Variants in ALK observed in about 807,000 individuals in gnomAD.
The protein encoded by ALK is ALK tyrosine kinase receptor.
In ALK, 74 loss-of-function variants were observed where a neutral mutation model predicts 163.1. That is an observed-to-expected ratio of 0.45 (90% CI 0.38 to 0.55). The LOEUF is 0.55. Among genes scored for constraint, ALK ranks in the 20% least tolerant of loss-of-function variants. The pLI, the probability that ALK is intolerant of heterozygous loss-of-function variation, is 0.00. For synonymous variants in ALK, 960 were observed against 843.2 expected, an observed-to-expected ratio of 1.14 and a Z score of -2.40; for missense variants, 2,063 against 2,105.3, an observed-to-expected ratio of 0.98 and a Z score of 0.39.
intron 11 of ALK, among the ~76,000 whole-genome samples, chr2:29,273,629 G>C (rs1665452490): frequency 6.6e-6 from 1 of 152,174 alleles, no homozygotes; most frequent in Admixed American, 6.5e-5. Context: ...CCAAGCTCAG[G>C]CATCCAGCCA....
intron 3 of ALK, among the ~76,000 whole-genome samples, chr2:29,587,398 AG>A (rs1235186737): frequency 6.6e-6 from 1 of 152,242 alleles, no homozygotes; most frequent in East Asian, 1.9e-4. Context: ...AGAAGTATAA[AG>A]CTCAAGGTGA....
At chr2:29,728,676 A>C (rs1213615382) in intron 1 of ALK, among the ~76,000 whole-genome samples, 1 of 152,174 alleles carries the variant, frequency 6.6e-6, no homozygotes, top group African/African-American at 2.4e-5. Context: ...AACTAGTTAA[A>C]GGGAGTGGGG....
chr2:29,876,814 T>C (rs1436421213), intron 1 of ALK, among the ~76,000 whole-genome samples: 1 of 152,002 alleles, frequency 6.6e-6, no homozygotes, highest in Non-Finnish European at 1.5e-5. Flanking sequence ...GTGTTGGGGA[T>C]GATAATGAAG....
chr2:29,612,346 G>A (rs570027509), intron 3 of ALK, among the ~76,000 whole-genome samples: 14 of 152,162 alleles, frequency 9.2e-5, no homozygotes, highest in African/African-American at 3.1e-4. Context: ...TCTTTATCTG[G>A]GTGATTATTA....
chr2:29,672,397 A>G (rs1420764892), intron 3 of ALK, among the ~76,000 whole-genome samples: 2 of 149,948 alleles, frequency 1.3e-5, no homozygotes, highest in Non-Finnish European at 3.0e-5. Flanking sequence ...TCATTGTTCA[A>G]TTCCCACCTA....
chr2:29,232,861 A>G (rs558018352), intron 14 of ALK, among the ~76,000 whole-genome samples: 19 of 152,268 alleles, frequency 1.2e-4, no homozygotes, highest in Admixed American at 1.1e-3. Flanking sequence ...TCTGACCCCC[A>G]AAGATTCAAG....
At chr2:29,797,171 A>T (rs1664339918) in intron 1 of ALK, among the ~76,000 whole-genome samples, 1 of 152,162 alleles carries the variant, frequency 6.6e-6, no homozygotes, top group Admixed American at 6.5e-5. Context: ...AAAAATTAAA[A>T]ACAAATGAAG....
At chr2:29,846,509 T>C (rs1431422972) in intron 1 of ALK, among the ~76,000 whole-genome samples, 2 of 152,248 alleles carry the variant, frequency 1.3e-5, no homozygotes, top group Admixed American at 1.3e-4. Context: ...GCAGCAGGCA[T>C]GTAAACATTT....
chr2:29,456,842 C>T (rs192920647), intron 4 of ALK, among the ~76,000 whole-genome samples: 1 of 152,258 alleles, frequency 6.6e-6, no homozygotes, highest in African/African-American at 2.4e-5. Flanking sequence ...AATAGTTGCT[C>T]AACGTGTACT....
chr2:29,224,620 G>C (rs769127786), intron 19 of ALK: 3 of 226,720 alleles, frequency 1.3e-5, no homozygotes, highest in African/African-American at 6.7e-5. Context: ...TGAGTCACCC[G>C]CTATGTGCTC....
At chr2:29,626,481 G>A (rs1363218124) in intron 3 of ALK, among the ~76,000 whole-genome samples, 2 of 152,150 alleles carry the variant, frequency 1.3e-5, no homozygotes, top group Admixed American at 1.3e-4. Context: ...ATGATTGTGA[G>A]GCTTCCCCAG....
In ALK at chr2:29,209,833, T is replaced by C. The variant is rs148124123; in HGVS notation, c.3789A>G (p.Gly1263=). 9 of 1,614,036 alleles carry C rather than the reference T, an allele frequency of 5.6e-6. No individual in the cohort carries two copies. In the African/African-American group the frequency reaches 1.2e-4, roughly 22 times the overall value. The change falls in exon 25 of 29, where the codon GGA becomes GGG. Residue 1263 remains glycine (G), a synonymous_variant. Coordinates refer to ENST00000389048, the MANE Select transcript of ALK (RefSeq NM_004304.5). ...CGAAGTCTCCAATCTTGGCCACTCT[T>C]CCAGGGCCTGGACAGGTCAAGAGGC... ...RNCLLTCPGP[G]RVAKIGDFGM...
At chr2:29,720,943 C>T (rs1679404181) in intron 1 of ALK, among the ~76,000 whole-genome samples, 1 of 152,070 alleles carries the variant, frequency 6.6e-6, no homozygotes, top group Admixed American at 6.5e-5. Flanking sequence ...GACCAACTGG[C>T]TCAAGTAGAG....
chr2:29,487,738 G>A (rs1405371590), intron 4 of ALK, among the ~76,000 whole-genome samples: 1 of 152,166 alleles, frequency 6.6e-6, no homozygotes, highest in Admixed American at 6.5e-5. Context: ...ACCTTACTAA[G>A]TATTAAACAT....
chr2:29,317,666 A>G lies in ALK; in HGVS notation c.1647+638T>C, dbSNP rs370024343. On this transcript the variant is annotated intron_variant, in intron 8 of 28. Coordinates refer to ENST00000389048, the MANE Select transcript of ALK (RefSeq NM_004304.5). ...TTAATTAACTGCCCAAACAAACTAT[A>G]CAATCAATCAGTGGTGGAACCCGAC... 3.1e-4 allele frequency among the ~76,000 whole-genome samples: 47 copies of G among 152,326 alleles called. No homozygotes were observed. The East Asian group carries it at 5.6e-3, about 18-fold the overall frequency.
chr2:29,696,987 G>A (rs1380417240), intron 2 of ALK, among the ~76,000 whole-genome samples: 1 of 151,528 alleles, frequency 6.6e-6, no homozygotes, highest in African/African-American at 2.4e-5. Context: ...TGGGTTGATA[G>A]GTGCAGCAAA....
At chr2:29,772,527 G>A (rs958298877) in intron 1 of ALK, among the ~76,000 whole-genome samples, 4 of 152,104 alleles carry the variant, frequency 2.6e-5, no homozygotes, top group East Asian at 1.9e-4. Context: ...CCAATTCCTC[G>A]CCTCCCACAC....
At position 29,699,943 on chromosome 2, in the gene ALK, C is replaced by A. The variant is rs1678683179; in HGVS notation, c.788-4929G>T. On this transcript the variant is annotated intron_variant, in intron 2 of 28. Transcript: ENST00000389048. The stretch of plus-strand genomic sequence containing the variant: ...AGTGAGGATGGTTCTGGGCTTGGTC[C>A]TGCACAGAGCAGCTGAGACCCCAGC... 3.3e-5 allele frequency among the ~76,000 whole-genome samples: 5 copies of A among 152,216 alleles called. No individual in the cohort carries two copies. In the South Asian group the frequency reaches 1.0e-3, roughly 32 times the overall value.
chr2:29,772,859 C>T (rs1681064823), intron 1 of ALK, among the ~76,000 whole-genome samples: 1 of 152,162 alleles, frequency 6.6e-6, no homozygotes, highest in African/African-American at 2.4e-5. Context: ...TATTTTCCTA[C>T]CTGGTCTCAT....
Sources: gnomAD v4.1 joint callset for allele counts (sites outside exome capture counted in the v4.1 genomes callset) on GRCh38, gnomAD v4.1.1 for gene constraint, MANE v1.5 for transcripts, NCBI Gene and HGNC (gene_info 2026-07-23, HGNC 2026-07-21) for gene names.